The following SSH1 variants were observed in gnomAD, a reference collection of about 807,000 sequenced individuals.
SSH1 encodes slingshot protein phosphatase 1.
SSH1 carries 43 observed loss-of-function variants against 79.7 expected under a neutral mutation model. That is an observed-to-expected ratio of 0.54 (90% CI 0.42 to 0.70). The LOEUF (loss-of-function observed/expected upper bound fraction) is 0.70, where lower values mean the gene tolerates loss of function less well. Ranked by LOEUF, SSH1 falls within the 30% of genes least tolerant of loss-of-function variation. The probability of loss-of-function intolerance (pLI) is 0.00; values close to 1 mark genes in which losing one functional copy is unlikely to be tolerated. For missense variants in SSH1, 1,206 were observed against 1,358.8 expected (o/e 0.89, Z 1.77); for synonymous variants, 599 against 538.3 (o/e 1.11, Z -1.56).
chr12:108,820,731 G>C (rs1331016925), intron 3 of SSH1, among the ~76,000 whole-genome samples: 1 of 152,200 alleles, frequency 6.6e-6, no homozygotes, highest in East Asian at 1.9e-4. Context: ...ACTCAGCTCT[G>C]CACAGTGGTT....
intron 2 of SSH1, among the ~76,000 whole-genome samples, chr12:108,841,961 C>G (rs2038789645): frequency 6.6e-6 from 1 of 151,982 alleles, no homozygotes; most frequent in South Asian, 2.1e-4. Flanking sequence ...CTGGGCAACA[C>G]AGTGAGACCC....
chr12:108,852,554 C>T (rs771496365), intron 2 of SSH1, 84 bp downstream of exon 2: 27 of 1,562,094 alleles, frequency 1.7e-5, no homozygotes, highest in African/African-American at 5.4e-5. Context: ...TCTTTTTGAA[C>T]GTTTTCCCTT....
chr12:108,792,084 G>T (rs1278057609), intron 14 of SSH1: 4 of 1,462,212 alleles, frequency 2.7e-6, no homozygotes, highest in Non-Finnish European at 3.6e-6. Context: ...TATGCACTAC[G>T]TACCCACCAG....
intron 7 of SSH1, 105 bp downstream of exon 7, chr12:108,809,588 C>G: frequency 1.1e-6 from 1 of 950,308 alleles, no homozygotes; most frequent in Non-Finnish European, 1.7e-6. Flanking sequence ...CCTCCCTCAA[C>G]ATGCACATAC....
At position 108,789,088 on chromosome 12, in the gene SSH1, G is replaced by A. The variant is rs1013665895; in HGVS notation, c.2050C>T (p.Pro684Ser). 7.4e-6 allele frequency: 12 copies of A among 1,613,600 alleles called. No individual in the cohort carries two copies. The highest frequency in any genetic ancestry group is 9.3e-6 in the Non-Finnish European group (11 of 1,179,724). The change falls in exon 15 of 15, where the codon CCC (proline) becomes TCC (serine). Residue 684 changes from proline to serine, a missense_variant. Physicochemically the swap from Pro to Ser is moderately conservative, Grantham distance 74. Transcript: ENST00000326495. ...PAICTQPAFL[P>S]HITSSPVAHL... ...GCCACAGGGGAGGACGTGATGTGGG[G>A]TAGGAAGGCTGGCTGGGTGCAGATG...
Position 108,787,689 on chromosome 12 carries a change from T to C in SSH1, c.*299A>G, listed in dbSNP as rs776088462. 2.0e-5 allele frequency: 9 copies of C among 448,074 alleles called. No homozygotes were observed. The highest frequency in any genetic ancestry group is 1.3e-3 in the Middle Eastern group (2 of 1,554). The allele number at this position is 448,074 out of a possible 1,614,324, so 27.8% of individuals were successfully genotyped here. ...GGAACAGTCTGGATGTGTGCGCCTA[T>C]GTGTGCACGTTCTTCCTAAAACATG... On this transcript the variant is annotated 3_prime_UTR_variant, in exon 15 of 15. Transcript: ENST00000326495.
At chr12:108,827,396 C>G (rs779797750) in intron 2 of SSH1, 4 of 1,496,856 alleles carry the variant, frequency 2.7e-6, no homozygotes, top group Non-Finnish European at 3.6e-6. Flanking sequence ...GCCCTCCGAG[C>G]TCTGGCCATC....
Position 108,812,450 on chromosome 12 carries a change from C to T in SSH1, c.402-1122G>A, listed in dbSNP as rs555323728. Reference sequence around the variant, plus strand: ...GAGCCCTGACAACCCTCACCAGGAACTCATAAGGAGGTGGGTACAGCACAG... The same window carrying T: ...GAGCCCTGACAACCCTCACCAGGAATTCATAAGGAGGTGGGTACAGCACAG... On this transcript the variant is annotated intron_variant, in intron 5 of 14. Transcript: ENST00000326495. 3.9e-5 allele frequency among the ~76,000 whole-genome samples: 6 copies of T among 152,310 alleles called. No homozygotes were observed. In the South Asian group the frequency reaches 1.0e-3, roughly 26 times the overall value.
At chr12:108,817,658 C>T (rs768447037) in intron 4 of SSH1, among the ~76,000 whole-genome samples, 14 of 152,188 alleles carry the variant, frequency 9.2e-5, no homozygotes, top group East Asian at 3.8e-4. Context: ...GCACCAGGGA[C>T]GCCGCCTGGC....
rs1565986704 is a variant in SSH1, at chr12:108,807,776, G to C, written c.588C>G (p.Asn196Lys). Reference sequence around the variant, plus strand: ...TGAGAGCTACACCCCCGGGGAAGTAGTTGTGCCTCCGGGCCACTTCGCAGG... The same window carrying C: ...TGAGAGCTACACCCCCGGGGAAGTACTTGTGCCTCCGGGCCACTTCGCAGG... ...HKACEVARRH[N>K]YFPGGVALIW... The change falls in exon 8 of 15, where the codon AAC becomes AAG. Residue 196 changes from asparagine (N) to lysine (K), a missense_variant. Asn to Lys is a moderately conservative substitution (Grantham distance 94). Around this residue, in one of 5 missense-constraint regions of SSH1, gnomAD observed 116 missense variants for 109.0 expected, o/e 1.06. Coordinates refer to ENST00000326495, the MANE Select transcript of SSH1 (RefSeq NM_018984.4). This position sits in a 1 kb window ranked among gnomAD's most constrained non-coding sequence, Gnocchi z 5.2. 1 of 1,613,974 alleles carries C rather than the reference G, an allele frequency of 6.2e-7. No individual in the cohort carries two copies.
rs1002878624 is a variant in SSH1 at position 108,798,903 on chromosome 12, T to C, written c.1349+97A>G. The C allele has an allele frequency of 4.0e-5, 57 of 1,435,180 alleles. No homozygotes were observed. The South Asian group carries it at 5.2e-4, about 13-fold the overall frequency. The allele number at this position is 1,435,180 out of a possible 1,614,324, so 88.9% of individuals were successfully genotyped here. The stretch of plus-strand genomic sequence containing the variant: ...CTGTGGAAGCGGCTGCTGGGCCGAA[T>C]GGGAGCATGCTCTGCTGCCGACAGA... On this transcript the variant is annotated intron_variant, in intron 13 of 14. Coordinates refer to ENST00000326495, the MANE Select transcript of SSH1 (RefSeq NM_018984.4).
intron 6 of SSH1, among the ~76,000 whole-genome samples, chr12:108,810,960 C>G (rs2037557752): frequency 6.6e-6 from 1 of 152,246 alleles, no homozygotes; most frequent in African/African-American, 2.4e-5. Context: ...GGTGAGAGTT[C>G]ACTTAACCCA....
At chr12:108,844,703 A>C (rs1212990996) in intron 2 of SSH1, among the ~76,000 whole-genome samples, 1 of 152,212 alleles carries the variant, frequency 6.6e-6, no homozygotes, top group African/African-American at 2.4e-5. Flanking sequence ...TGCACATTAA[A>C]GGCGGTAAGA....
chr12:108,843,266 TG>T (rs1267097850), intron 2 of SSH1, among the ~76,000 whole-genome samples: 2 of 152,040 alleles, frequency 1.3e-5, no homozygotes, highest in African/African-American at 4.8e-5. Flanking sequence ...GAGGCAACGG[TG>T]GGAAGAATTT....
chr12:108,801,596 TTC>T (rs1263180584), intron 11 of SSH1, among the ~76,000 whole-genome samples: 6 of 152,198 alleles, frequency 3.9e-5, no homozygotes, highest in Admixed American at 6.5e-5. Flanking sequence ...TAAGAATACT[TTC>T]TGTTGAAAGA....
intron 7 of SSH1, 23 bp downstream of exon 7, chr12:108,809,670 A>G: frequency 1.2e-6 from 2 of 1,602,238 alleles, no homozygotes; most frequent in Non-Finnish European, 1.7e-6. Flanking sequence ...TAGGGAGTTA[A>G]AAGTCCCTAA....
At chr12:108,798,887 C>A in intron 13 of SSH1, 113 bp downstream of exon 13, 2 of 1,261,696 alleles carry the variant, frequency 1.6e-6, no homozygotes, top group Non-Finnish European at 2.3e-6. Context: ...GCTGTGGAAG[C>A]GGCTGCTGGG....
At position 108,781,327 on chromosome 12, in the gene SSH1, G is replaced by A. The variant is rs1323671529; in HGVS notation, c.*6661C>T. 1.3e-5 allele frequency: 2 copies of A among 151,542 alleles called. No individual in the cohort carries two copies. Among genetic ancestry groups the A allele is most frequent in the Non-Finnish European group, 2.9e-5 (2 of 67,822 alleles). The allele number at this position is 151,542 out of a possible 1,614,324, so 9.4% of individuals were successfully genotyped here. ...TGGTCCCAGCTACTTGGGAGGCTGA[G>A]GCAGGATTGCTGGAGCCCAGGAGAT... On this transcript the variant is annotated 3_prime_UTR_variant, in exon 15 of 15. Coordinates refer to ENST00000326495, the MANE Select transcript of SSH1 (RefSeq NM_018984.4).
chr12:108,793,224 G>T (rs1486768279), intron 13 of SSH1, among the ~76,000 whole-genome samples: 1 of 152,132 alleles, frequency 6.6e-6, no homozygotes, highest in Non-Finnish European at 1.5e-5. Flanking sequence ...GTAGGGAAAT[G>T]AAGGGAATCA....
Sources: allele counts gnomAD v4.1 joint callset (sites outside exome capture counted in the v4.1 genomes callset), GRCh38; gene constraint gnomAD v4.1.1; regional missense constraint gnomAD v4.1.1; non-coding constraint Gnocchi (gnomAD v3.1); transcripts MANE v1.5; gene names NCBI Gene and HGNC (gene_info 2026-07-23, HGNC 2026-07-21).